The following EDNRB variants were observed in gnomAD, a reference collection of about 807,000 sequenced individuals.
EDNRB encodes the protein Hirschsprung disease 2.
Under a neutral mutation model 46.4 loss-of-function variants are expected in EDNRB, and 18 were observed. That is an observed-to-expected ratio of 0.39 (90% confidence interval 0.27 to 0.57). The LOEUF is 0.57. Among genes scored for constraint, EDNRB ranks in the 20% least tolerant of loss-of-function variants. The pLI is 0.61. For missense variants in EDNRB, 434 were observed against 537.5 expected, an observed-to-expected ratio of 0.81 and a Z score of 1.90; for synonymous variants, 213 against 204.9, an observed-to-expected ratio of 1.04 and a Z score of -0.34.
chr13:77,955,977 GTTC>G (rs1881227990), intron 1 of EDNRB, among the ~76,000 whole-genome samples: 1 of 151,832 alleles, frequency 6.6e-6, no homozygotes, highest in Non-Finnish European at 1.5e-5. Flanking sequence ...CTCCAGCTTT[GTTC>G]TTCTTGTTCA....
At chr13:77,941,953 A>T (rs1486917547) in intron 1 of EDNRB, among the ~76,000 whole-genome samples, 1 of 152,210 alleles carries the variant, frequency 6.6e-6, no homozygotes, top group African/African-American at 2.4e-5. Flanking sequence ...AGTATTATGA[A>T]GCAGTCTGAT....
At chr13:77,952,005 CT>C (rs1881106639) in intron 1 of EDNRB, among the ~76,000 whole-genome samples, 2 of 152,172 alleles carry the variant, frequency 1.3e-5, no homozygotes, top group African/African-American at 4.8e-5. Context: ...CAAAATTAGC[CT>C]TTGGGTCGGG....
chr13:77,939,775 A>T (rs1175789010), intron 1 of EDNRB: 6 of 152,096 alleles, frequency 3.9e-5, no homozygotes, highest in African/African-American at 1.4e-4. Flanking sequence ...AGGTGGGTGG[A>T]TCACAAGGTC....
intron 1 of EDNRB, among the ~76,000 whole-genome samples, chr13:77,950,445 C>A (rs1282753429): frequency 2.6e-5 from 4 of 152,244 alleles, no homozygotes; most frequent in Admixed American, 2.0e-4. Flanking sequence ...TTCAGGTGGG[C>A]TGAAGGGAGA....
intron 1 of EDNRB, among the ~76,000 whole-genome samples, chr13:77,940,352 G>C (rs915345522): frequency 6.6e-6 from 1 of 151,732 alleles, no homozygotes; most frequent in African/African-American, 2.4e-5. Flanking sequence ...TAGAGAAGGT[G>C]ATAATGGGGC....
intron 1 of EDNRB, among the ~76,000 whole-genome samples, chr13:77,968,376 C>T (rs1376111155): frequency 6.6e-6 from 1 of 152,064 alleles, no homozygotes; most frequent in African/African-American, 2.4e-5. Context: ...CATATGATCT[C>T]ATTCAATATT....
intron 1 of EDNRB, among the ~76,000 whole-genome samples, chr13:77,914,846 G>A (rs2137633655): frequency 6.6e-6 from 1 of 152,262 alleles, no homozygotes; most frequent in Non-Finnish European, 1.5e-5. Context: ...ATGACATTTT[G>A]TGATTTGTCA....
chr13:77,971,136 A>G (rs1281746783), intron 1 of EDNRB, among the ~76,000 whole-genome samples: 1 of 152,150 alleles, frequency 6.6e-6, no homozygotes, highest in African/African-American at 2.4e-5. Flanking sequence ...ACTGAGTCCA[A>G]TACCTCTACA....
intron 1 of EDNRB, among the ~76,000 whole-genome samples, chr13:77,950,544 G>C (rs1249339936): frequency 6.6e-6 from 1 of 152,226 alleles, no homozygotes; most frequent in Admixed American, 6.5e-5. Flanking sequence ...GTAGGGGGTT[G>C]CATTAAAGAA....
intron 1 of EDNRB, among the ~76,000 whole-genome samples, chr13:77,943,780 C>G (rs1880819536): frequency 6.6e-6 from 1 of 152,018 alleles, no homozygotes; most frequent in African/African-American, 2.4e-5. Context: ...CTTCAGCAAT[C>G]AGAAATATAC....
upstream of EDNRB, among the ~76,000 whole-genome samples, chr13:77,923,668 T>C (rs1880147955): frequency 6.6e-6 from 1 of 152,158 alleles, no homozygotes. Flanking sequence ...ATTCTTTTGA[T>C]ACCTGAATGA....
chr13:77,941,935 G>A (rs1880760021), intron 1 of EDNRB, among the ~76,000 whole-genome samples: 1 of 152,186 alleles, frequency 6.6e-6, no homozygotes, highest in African/African-American at 2.4e-5. Context: ...AGAATAGAAG[G>A]CTTTGTCAGT....
intron 1 of EDNRB, among the ~76,000 whole-genome samples, chr13:77,932,217 C>T (rs982989550): frequency 2.0e-5 from 3 of 152,128 alleles, no homozygotes; most frequent in Non-Finnish European, 4.4e-5. Flanking sequence ...ACCAAAGATG[C>T]TGAAAGTCTC....
chr13:77,956,362 G>A (rs893738353), intron 1 of EDNRB, among the ~76,000 whole-genome samples: 12 of 152,126 alleles, frequency 7.9e-5, no homozygotes, highest in African/African-American at 2.6e-4. Flanking sequence ...TTATGTTAAT[G>A]TAGTATCTTG....
intron 1 of EDNRB, among the ~76,000 whole-genome samples, chr13:77,914,176 TA>T (rs910479090): frequency 8.5e-5 from 13 of 152,214 alleles, no homozygotes; most frequent in Non-Finnish European, 1.8e-4. Context: ...ATTCCAGTTA[TA>T]AAAATTTACC....
intron 1 of EDNRB, among the ~76,000 whole-genome samples, chr13:77,936,172 T>C (rs1880557320): frequency 6.6e-6 from 1 of 151,852 alleles, no homozygotes; most frequent in African/African-American, 2.4e-5. Flanking sequence ...TACTTGTGGG[T>C]TAAGGTGGGG....
upstream of EDNRB, chr13:77,919,012 G>A: frequency 5.5e-6 from 4 of 726,896 alleles, no homozygotes; most frequent in Non-Finnish European, 7.3e-6. Flanking sequence ...GGCACCTAGA[G>A]GCCAAGGGCT....
intron 1 of EDNRB, among the ~76,000 whole-genome samples, chr13:77,938,813 G>A (rs1880645106): frequency 6.6e-6 from 1 of 152,208 alleles, no homozygotes; most frequent in South Asian, 2.1e-4. Context: ...GGAGAAGACA[G>A]TAAGAAGAGG....
chr13:77,912,330 C>A (rs556796584), intron 1 of EDNRB, among the ~76,000 whole-genome samples: 43 of 152,118 alleles, frequency 2.8e-4, no homozygotes, highest in African/African-American at 1.0e-3. Flanking sequence ...ACCTAGGGAA[C>A]CTTGCATTGC....
Sources: allele counts gnomAD v4.1 joint callset (sites outside exome capture counted in the v4.1 genomes callset), GRCh38; gene constraint gnomAD v4.1.1; transcripts MANE v1.5; gene names NCBI Gene and HGNC (gene_info 2026-07-23, HGNC 2026-07-21).